The following DHX34 variants were observed in gnomAD, a reference collection of about 807,000 sequenced individuals.
The protein encoded by DHX34 is probable ATP-dependent RNA helicase DHX34.
A neutral mutation model predicts 111.1 loss-of-function variants in DHX34; 96 were observed. The observed-to-expected ratio is 0.86, with a 90% CI of 0.73 to 1.02. DHX34 has a LOEUF of 1.02. Ranked by LOEUF, DHX34 falls within the 50% of genes least tolerant of loss-of-function variation. DHX34 has a pLI of 0.00. For synonymous variants in DHX34, 688 were observed against 670.4 expected (o/e 1.03, Z -0.41); for missense variants, 1,560 against 1,579.9 (o/e 0.99, Z 0.21).
chr19:47,376,335 G>A, intron 11 of DHX34, 108 bp from the exon 12 acceptor site: 1 of 1,538,192 alleles, frequency 6.5e-7, no homozygotes, highest in Non-Finnish European at 8.7e-7. Context: ...GAGGAGTCAG[G>A]GAGGGCTTCC....
At chr19:47,376,305 G>A in intron 11 of DHX34, 138 bp from the exon 12 acceptor site, 3 of 1,513,354 alleles carry the variant, frequency 2.0e-6, no homozygotes, top group African/African-American at 1.4e-5. Context: ...AGCCCACAGG[G>A]GGCATCTGCC....
At chr19:47,361,133 T>G (rs1028357755) in intron 5 of DHX34, among the ~76,000 whole-genome samples, 1 of 152,134 alleles carries the variant, frequency 6.6e-6, no homozygotes, top group African/African-American at 2.4e-5. Flanking sequence ...ACACTTCATG[T>G]ATCGGTTGGC....
chr19:47,376,201 C>T (rs1970150781), intron 11 of DHX34, 104 bp downstream of exon 11: 3 of 1,475,968 alleles, frequency 2.0e-6, no homozygotes, highest in African/African-American at 2.8e-5. Context: ...AACCCTGGTT[C>T]TGTCCCCATG....
In DHX34 at chr19:47,352,885, C is replaced by T. The variant is rs1484202444; in HGVS notation, c.-146C>T. The T allele has an allele frequency of 3.3e-5, 47 of 1,432,114 alleles. No individual in the cohort carries two copies. Among genetic ancestry groups the T allele is most frequent in the Admixed American group, 8.5e-5 (3 of 35,282 alleles). 88.7% of individuals were successfully genotyped at this position (1,432,114 alleles called of 1,614,324 possible). A position where few individuals can be genotyped will look rare whatever the true frequency, so the allele number is the denominator to read the frequency against. Reference sequence around the variant, plus strand: ...TTTATCATCTGTGGTGGTCCTGTGCCGTGACCAGGAGGAAAAATTAGCTCT... The same window carrying T: ...TTTATCATCTGTGGTGGTCCTGTGCTGTGACCAGGAGGAAAAATTAGCTCT... On this transcript the variant is annotated 5_prime_UTR_variant, in exon 2 of 17. Transcript: ENST00000328771.
At chr19:47,379,591 G>A (rs1970284001) in intron 13 of DHX34, 119 bp from the exon 14 acceptor site, 1 of 1,481,972 alleles carries the variant, frequency 6.7e-7, no homozygotes. Flanking sequence ...TGGCGGGTAG[G>A]TGGATGCCTC....
At chr19:47,357,078 T>G (rs1969480367) in intron 3 of DHX34, among the ~76,000 whole-genome samples, 1 of 152,172 alleles carries the variant, frequency 6.6e-6, no homozygotes, top group Admixed American at 6.6e-5. Flanking sequence ...TCCTCCCGCC[T>G]TGGCCTCCCA....
At chr19:47,366,481 A>G (rs750190916) in intron 6 of DHX34, among the ~76,000 whole-genome samples, 2 of 151,926 alleles carry the variant, frequency 1.3e-5, no homozygotes, top group Non-Finnish European at 2.9e-5. Context: ...GGGTTTCACC[A>G]TGTTGGCCAG....
At chr19:47,350,552 G>C (rs1173162675) in intron 1 of DHX34, among the ~76,000 whole-genome samples, 1 of 151,734 alleles carries the variant, frequency 6.6e-6, no homozygotes, top group African/African-American at 2.4e-5. Flanking sequence ...CTCCAGAGTA[G>C]CTGGGATTAC....
intron 14 of DHX34, among the ~76,000 whole-genome samples, chr19:47,380,228 CCTT>C (rs1169240623): frequency 2.0e-5 from 3 of 152,180 alleles, no homozygotes. Context: ...TTACTAAGCA[CCTT>C]CTGCAAGCGT....
At chr19:47,369,936 A>G (rs1039340463) in intron 7 of DHX34, among the ~76,000 whole-genome samples, 1 of 152,104 alleles carries the variant, frequency 6.6e-6, no homozygotes, top group Non-Finnish European at 1.5e-5. Flanking sequence ...TCAGGTCTTC[A>G]GTAGCCAGTC....
At chr19:47,376,233 G>A (rs1298527218) in intron 11 of DHX34, 136 bp downstream of exon 11, 1 of 1,436,226 alleles carries the variant, frequency 7.0e-7, no homozygotes, top group Non-Finnish European at 9.2e-7. Context: ...CCAGTGGGAG[G>A]ACAGACCCAT....
At chr19:47,375,282 T>A in intron 9 of DHX34, 184 bp from the exon 10 acceptor site, 2 of 985,422 alleles carry the variant, frequency 2.0e-6, no homozygotes, top group South Asian at 9.4e-5. Flanking sequence ...CGGTGTTCCC[T>A]CCACTGACCA....
chr19:47,376,080 C>A lies in DHX34; in HGVS notation c.2464C>A (p.Arg822=). Residue 822 remains arginine, a synonymous_variant, in exon 11 of 17, where the codon CGA becomes AGA. Transcript: ENST00000328771. ...LAVPDAFNSS[R]KDSDQIFHTQ... is the part of the protein sequence containing the mutation. ...CGTCCCCGACGCCTTCAACAGCAGCCGAAAGGACTCAGACCAGGTGGGGCC... is the reference window on the plus strand; with the variant it reads ...CGTCCCCGACGCCTTCAACAGCAGCAGAAAGGACTCAGACCAGGTGGGGCC... The A allele has an allele frequency of 6.4e-7, 1 of 1,565,820 alleles. No individual in the cohort carries two copies. The highest frequency in any genetic ancestry group is 8.6e-7 in the Non-Finnish European group (1 of 1,158,212).
chr19:47,381,676 C>T (rs570078326), intron 16 of DHX34: 35 of 645,962 alleles, frequency 5.4e-5, no homozygotes, highest in Admixed American at 3.9e-4. Flanking sequence ...ATGCCACACA[C>T]TGGGGTTCAG....
chr19:47,355,350 G>A lies in DHX34; in HGVS notation c.1017G>A (p.Thr339=), dbSNP rs368953997. 29 of 1,611,166 alleles carry A rather than the reference G, an allele frequency of 1.8e-5. No individual in the cohort carries two copies. The Middle Eastern group carries it at 6.6e-4, about 37-fold the overall frequency. ...VQVPGRLFPI[T]VVYQPQEAEP... ...TGCCTGGGAGGCTGTTCCCCATCAC[G>A]GTGAGTACTTCCCCCTCCTCCCACA... The change falls in exon 3 of 17, where the codon ACG becomes ACA. Residue 339 remains threonine (T), a splice_region_variant and synonymous_variant. Transcript: ENST00000328771.
chr19:47,352,358 T>G (rs1193538041), intron 1 of DHX34, among the ~76,000 whole-genome samples: 1 of 152,232 alleles, frequency 6.6e-6, no homozygotes, highest in South Asian at 2.1e-4. Flanking sequence ...AGTTCAGTGC[T>G]TAAGAAACAG....
chr19:47,368,184 G>T (rs1023937248), intron 7 of DHX34, among the ~76,000 whole-genome samples: 17 of 150,708 alleles, frequency 1.1e-4, no homozygotes, highest in Non-Finnish European at 2.2e-4. Context: ...GAGGCCCTGT[G>T]GGGGCACATG....
At chr19:47,360,332 C>T (rs1969591410) in intron 5 of DHX34, among the ~76,000 whole-genome samples, 1 of 152,158 alleles carries the variant, frequency 6.6e-6, no homozygotes, top group Admixed American at 6.6e-5. Context: ...ATTGGAGGGT[C>T]ACGTTAGTGC....
intron 3 of DHX34, among the ~76,000 whole-genome samples, chr19:47,355,806 C>T (rs551390810): frequency 4.6e-5 from 7 of 151,606 alleles, no homozygotes; most frequent in South Asian, 2.1e-4. Context: ...GAGCCGAGAT[C>T]GCGCCACTGC....
Sources: allele counts gnomAD v4.1 joint callset (sites outside exome capture counted in the v4.1 genomes callset), GRCh38; gene constraint gnomAD v4.1.1; transcripts MANE v1.5; gene names NCBI Gene and HGNC (gene_info 2026-07-23, HGNC 2026-07-21).